OPCML: variants seen among roughly 807,000 people sequenced by gnomAD.
The protein encoded by OPCML is opioid-binding protein/cell adhesion molecule.
A neutral mutation model predicts 37.8 loss-of-function variants in OPCML; 13 were observed. That is an observed-to-expected ratio of 0.34 (90% CI 0.22 to 0.55). The LOEUF (loss-of-function observed/expected upper bound fraction) is 0.55. Ranked by LOEUF, OPCML falls within the 20% of genes least tolerant of loss-of-function variation. OPCML has a pLI of 0.91. For synonymous variants in OPCML, 176 were observed against 168.8 expected (o/e 1.04, Z -0.33); for missense variants, 341 against 435.6 (o/e 0.78, Z 1.93).
In OPCML at chr11:132,555,754, A is replaced by G. The variant is rs2096394069; in HGVS notation, c.380-26568T>C. Among the ~76,000 whole-genome samples, 3 of 152,184 alleles carry G rather than the reference A, an allele frequency of 2.0e-5. No individual in the cohort carries two copies. In the South Asian group the frequency reaches 6.2e-4, roughly 32 times the overall value. ...TCCATTTTGCTCACTGTTAATCAGA[A>G]TTCTGGGCCCATGTAGCACTGGTCT... On this transcript the variant is annotated intron_variant, in intron 3 of 7. Coordinates refer to ENST00000524381, the MANE Select transcript of OPCML (RefSeq NM_001012393.5).
chr11:132,776,054 C>A (rs1946799419), intron 2 of OPCML, among the ~76,000 whole-genome samples: 1 of 152,168 alleles, frequency 6.6e-6, no homozygotes, highest in African/African-American at 2.4e-5. Flanking sequence ...CTCAGCCTCC[C>A]AAGTAGCTGG....
chr11:133,502,861 C>T (rs1329690690), intron 1 of OPCML, among the ~76,000 whole-genome samples: 1 of 152,130 alleles, frequency 6.6e-6, no homozygotes, highest in Non-Finnish European at 1.5e-5. Context: ...AGAAGAAGGC[C>T]TTCTGGATGG....
At chr11:132,924,259 G>A (rs553977752) in intron 2 of OPCML, among the ~76,000 whole-genome samples, 2 of 152,196 alleles carry the variant, frequency 1.3e-5, no homozygotes, top group South Asian at 2.1e-4. Flanking sequence ...ATGGAGTGGG[G>A]TGCGGCATTA....
At chr11:133,284,802 T>A (rs980195449) in intron 1 of OPCML, among the ~76,000 whole-genome samples, 1 of 152,124 alleles carries the variant, frequency 6.6e-6, no homozygotes, top group African/African-American at 2.4e-5. Context: ...AGGTTCATCA[T>A]ATGCAAAATA....
chr11:132,471,608 G>A (rs556073034), intron 4 of OPCML, among the ~76,000 whole-genome samples: 1 of 152,148 alleles, frequency 6.6e-6, no homozygotes, highest in Non-Finnish European at 1.5e-5. Context: ...CCAGAGGGCT[G>A]CCTAATTATC....
chr11:133,010,094 T>C (rs1250107173), intron 1 of OPCML, among the ~76,000 whole-genome samples: 1 of 152,162 alleles, frequency 6.6e-6, no homozygotes, highest in Non-Finnish European at 1.5e-5. Context: ...GCATTTTGAA[T>C]CCCTACTGTC....
intron 1 of OPCML, among the ~76,000 whole-genome samples, chr11:133,018,487 C>T (rs937583203): frequency 1.3e-5 from 2 of 152,166 alleles, no homozygotes; most frequent in Non-Finnish European, 2.9e-5. Flanking sequence ...TACTACCAGC[C>T]TCCTCTCCAA....
At chr11:133,190,817 A>T (rs112210449) in intron 1 of OPCML, among the ~76,000 whole-genome samples, 2,086 of 151,870 alleles carry the variant, frequency 0.014, 13 homozygotes, top group Non-Finnish European at 0.02. Context: ...TTAGTGTTTT[A>T]TTTTTTTTAA....
chr11:132,979,817 T>G (rs1946545078), intron 1 of OPCML, among the ~76,000 whole-genome samples: 1 of 151,962 alleles, frequency 6.6e-6, no homozygotes, highest in Non-Finnish European at 1.5e-5. Context: ...GAGCAGCTTG[T>G]AAGAGACTGA....
rs1357699515 is a variant in OPCML, at chr11:132,929,221, A to C, written c.146+13705T>G. 4.6e-5 allele frequency among the ~76,000 whole-genome samples: 7 copies of C among 151,960 alleles called. No homozygotes were observed. The East Asian group carries it at 1.3e-3, about 29-fold the overall frequency. ...AAAACTTTAGCTAGATTGACTAAGA[A>C]AAAAATAAAATTCAAATAACTAAAA... is the stretch of plus-strand genomic sequence containing the variant. On this transcript the variant is annotated intron_variant, in intron 2 of 7. Transcript: ENST00000524381.
chr11:133,397,778 C>T (rs1945319155), intron 1 of OPCML, among the ~76,000 whole-genome samples: 1 of 152,146 alleles, frequency 6.6e-6, no homozygotes, highest in African/African-American at 2.4e-5. Context: ...ATAAAAAGGG[C>T]TTTGAGTCAT....
intron 1 of OPCML, among the ~76,000 whole-genome samples, chr11:133,441,485 T>A (rs1185652318): frequency 6.6e-6 from 1 of 152,194 alleles, no homozygotes; most frequent in Non-Finnish European, 1.5e-5. Flanking sequence ...GACTGTTTCA[T>A]AGAAAACTAA....
At chr11:133,052,714 T>C (rs964590154) in intron 1 of OPCML, among the ~76,000 whole-genome samples, 2 of 152,106 alleles carry the variant, frequency 1.3e-5, no homozygotes, top group African/African-American at 4.8e-5. Flanking sequence ...GTGGCCAAAG[T>C]CAAGCAATGA....
intron 1 of OPCML, among the ~76,000 whole-genome samples, chr11:133,468,962 G>A (rs6590707): frequency 0.29 from 43,458 of 151,998 alleles, 7,785 homozygotes; most frequent in African/African-American, 0.51. Flanking sequence ...GGGAAAAATG[G>A]TAGGATAGTC....
At chr11:132,886,029 T>C (rs1217407402) in intron 2 of OPCML, among the ~76,000 whole-genome samples, 2 of 152,190 alleles carry the variant, frequency 1.3e-5, no homozygotes, top group African/African-American at 4.8e-5. Flanking sequence ...CTTTTTTCAA[T>C]TGTCATGCCT....
chr11:132,971,894 T>C (rs1312972812), intron 1 of OPCML, among the ~76,000 whole-genome samples: 1 of 152,206 alleles, frequency 6.6e-6, no homozygotes, highest in Non-Finnish European at 1.5e-5. Context: ...ACCTTGTATG[T>C]AACTTATTGT....
chr11:132,775,136 T>C (rs1946769539), intron 2 of OPCML, among the ~76,000 whole-genome samples: 1 of 152,216 alleles, frequency 6.6e-6, no homozygotes, highest in African/African-American at 2.4e-5. Context: ...GAAGATAAAT[T>C]GTTAACTGGA....
At chr11:133,497,630 C>G (rs943896121) in intron 1 of OPCML, among the ~76,000 whole-genome samples, 1 of 152,060 alleles carries the variant, frequency 6.6e-6, no homozygotes, top group Non-Finnish European at 1.5e-5. Context: ...TCCTTTGGGC[C>G]CTCATGCCTC....
At chr11:133,345,933 C>T (rs1294210113) in intron 1 of OPCML, among the ~76,000 whole-genome samples, 2 of 152,106 alleles carry the variant, frequency 1.3e-5, no homozygotes, top group Non-Finnish European at 2.9e-5. Context: ...ATCAATAGAA[C>T]CTAAAGCAGG....
Sources: gnomAD v4.1 joint callset for allele counts (sites outside exome capture counted in the v4.1 genomes callset) on GRCh38, gnomAD v4.1.1 for gene constraint, MANE v1.5 for transcripts, NCBI Gene and HGNC (gene_info 2026-07-23, HGNC 2026-07-21) for gene names.